The following C12orf50 variants were observed in gnomAD, a reference collection of about 807,000 sequenced individuals.
C12orf50 encodes uncharacterized protein C12orf50.
C12orf50 carries 35 observed loss-of-function variants against 61.6 expected under a neutral mutation model. The observed-to-expected ratio is 0.57, with a 90% CI of 0.43 to 0.75. The LOEUF (loss-of-function observed/expected upper bound fraction) is 0.75. Ranked by LOEUF, C12orf50 falls within the 30% of genes least tolerant of loss-of-function variation. The pLI is 0.00. For synonymous variants in C12orf50, 178 were observed against 161.5 expected (o/e 1.10, Z -0.77); for missense variants, 475 against 488.5 (o/e 0.97, Z 0.26).
chr12:88,025,318 G>A (rs1215060209), intron 3 of C12orf50, among the ~76,000 whole-genome samples: 1 of 152,122 alleles, frequency 6.6e-6, no homozygotes, highest in South Asian at 2.1e-4. Context: ...ATGCTACTAG[G>A]TGGGTGGATG....
At chr12:88,019,932 G>A (rs1212734353) in intron 3 of C12orf50, among the ~76,000 whole-genome samples, 3 of 152,082 alleles carry the variant, frequency 2.0e-5, no homozygotes, top group Non-Finnish European at 4.4e-5. Flanking sequence ...ATCACATCCA[G>A]GCAAACTAAA....
At position 87,997,246 on chromosome 12, in the gene C12orf50, A is replaced by T. The variant is rs529229535; in HGVS notation, c.290-600T>A. On this transcript the variant is annotated intron_variant, in intron 4 of 12. Transcript: ENST00000298699. ...TTATAGATTATTAACTACTACATAG[A>T]TCTCTATAACTTCCAGGATTAAATG... Among the ~76,000 whole-genome samples, 8 of 152,276 alleles carry T rather than the reference A, an allele frequency of 5.3e-5. No individual in the cohort carries two copies. In the South Asian group the frequency reaches 1.5e-3, roughly 28 times the overall value.
Position 87,980,283 on chromosome 12 carries a change from T to G in C12orf50, c.*48A>C. Reference sequence around the variant, plus strand: ...TTTTCATTTTTGATTGTAAATCAGATGATGTCTGGCAATTTTTTCTCATTT... The same window carrying G: ...TTTTCATTTTTGATTGTAAATCAGAGGATGTCTGGCAATTTTTTCTCATTT... On this transcript the variant is annotated 3_prime_UTR_variant, in exon 13 of 13. Coordinates refer to ENST00000298699, the MANE Select transcript of C12orf50 (RefSeq NM_152589.3). 6.4e-7 allele frequency: 1 copy of G among 1,564,884 alleles called. No homozygotes were observed.
At chr12:88,020,390 C>G (rs1166324106) in intron 3 of C12orf50, among the ~76,000 whole-genome samples, 2 of 152,070 alleles carry the variant, frequency 1.3e-5, no homozygotes. Flanking sequence ...TCAGGGGTTG[C>G]AATCCTAATT....
At chr12:88,019,110 C>T (rs1295021519) in intron 3 of C12orf50, among the ~76,000 whole-genome samples, 2 of 152,022 alleles carry the variant, frequency 1.3e-5, no homozygotes, top group Admixed American at 6.5e-5. Context: ...GGCTCTTTCC[C>T]CACCCAAATC....
At position 88,006,045 on chromosome 12, in the gene C12orf50, T is replaced by C. The variant is rs377473488; in HGVS notation, c.134-7855A>G. 2.0e-5 allele frequency among the ~76,000 whole-genome samples: 3 copies of C among 151,690 alleles called. No individual in the cohort carries two copies. The East Asian group carries it at 5.8e-4, about 30-fold the overall frequency. ...CATTCTCCTGCCTCAGCCTCCCTAG[T>C]AGTTGGGACTACAGGCGCCCGCCAC... On this transcript the variant is annotated intron_variant, in intron 3 of 12. Transcript: ENST00000298699.
intron 11 of C12orf50, 147 bp downstream of exon 11, chr12:87,985,703 G>C (rs117651597): frequency 2.6e-6 from 2 of 756,394 alleles, no homozygotes; most frequent in Non-Finnish European, 4.5e-6. Flanking sequence ...GCACATGGAA[G>C]AAATCCTCTC....
chr12:87,999,524 T>C (rs1289438344), intron 3 of C12orf50, among the ~76,000 whole-genome samples: 2 of 152,176 alleles, frequency 1.3e-5, no homozygotes, highest in African/African-American at 2.4e-5. Flanking sequence ...TAACAAGTGT[T>C]GTCAAGGATG....
chr12:87,986,475 T>A, intron 9 of C12orf50, 59 bp from the exon 10 acceptor site: 1 of 1,230,738 alleles, frequency 8.1e-7, no homozygotes. Context: ...CTGAAATTAC[T>A]GTAGGTGATA....
intron 3 of C12orf50, among the ~76,000 whole-genome samples, chr12:88,015,604 T>G (rs950601027): frequency 3.3e-5 from 5 of 152,184 alleles, no homozygotes; most frequent in African/African-American, 1.2e-4. Context: ...GTCTAAGAGA[T>G]TACACTAACT....
At chr12:88,007,561 T>G (rs2031932059) in intron 3 of C12orf50, among the ~76,000 whole-genome samples, 1 of 152,198 alleles carries the variant, frequency 6.6e-6, no homozygotes, top group African/African-American at 2.4e-5. Context: ...GGATAAATGC[T>G]GTGTCCTCAC....
rs145777862 is a variant in C12orf50, at chr12:87,996,404, G to C, written c.451C>G (p.Pro151Ala). The C allele has an allele frequency of 2.8e-4, 458 of 1,612,600 alleles. No individual in the cohort carries two copies. Among genetic ancestry groups the C allele is most frequent in the Non-Finnish European group, 3.6e-4 (419 of 1,179,084 alleles). The change falls in exon 6 of 13, where the codon CCT (proline) becomes GCT (alanine). Residue 151 changes from proline (P) to alanine (A), a missense_variant. Pro to Ala is a conservative substitution (Grantham distance 27, BLOSUM62 -1). Coordinates refer to ENST00000298699, the MANE Select transcript of C12orf50 (RefSeq NM_152589.3). ...TGCAATTCACTGCCATTTTCCAAAG[G>C]CTTTTCTAACTGTTTTTCTGCTGTA... ...TPTAEKQLEK[P>A]LENGSELQEG...
At position 87,983,875 on chromosome 12, in the gene C12orf50, G is replaced by C. The variant is rs2030659446; in HGVS notation, c.1127-680C>G. ...TACGTGTGCATGTGTCTTTATAACA[G>C]CATGATTTATAGTCCTTTGGTATAT... On this transcript the variant is annotated intron_variant, in intron 11 of 12. Coordinates refer to ENST00000298699, the MANE Select transcript of C12orf50 (RefSeq NM_152589.3). 1.9e-5 allele frequency: 2 copies of C among 105,998 alleles called. 1 individual carries two copies. The highest frequency in any genetic ancestry group is 4.9e-5 in the Non-Finnish European group (2 of 41,188). 6.6% of individuals were successfully genotyped at this position (105,998 alleles called of 1,614,324 possible). A position where few individuals can be genotyped will look rare whatever the true frequency, so the allele number is the denominator to read the frequency against.
At position 88,003,935 on chromosome 12, in the gene C12orf50, C is replaced by CT. The variant is rs202139246; in HGVS notation, c.134-5746dup. 5.8e-3 allele frequency among the ~76,000 whole-genome samples: 880 copies of CT among 151,806 alleles called. 6 individuals carry two copies. Among genetic ancestry groups the CT allele is most frequent in the Non-Finnish European group, 9.4e-3 (635 of 67,826 alleles). Reference sequence around the variant, plus strand: ...CATATTTCTCTTAGGCTTTGTTCATCTTTTTTTTCATTTATTTTTCTCTTG... The same window carrying CT: ...CATATTTCTCTTAGGCTTTGTTCATCTTTTTTTTTCATTTATTTTTCTCTTG... On this transcript the variant is annotated intron_variant, in intron 3 of 12. Coordinates refer to ENST00000298699, the MANE Select transcript of C12orf50 (RefSeq NM_152589.3).
chr12:88,027,185 G>A (rs2032740191), intron 1 of C12orf50, 115 bp from the exon 2 acceptor site: 4 of 1,066,718 alleles, frequency 3.7e-6, no homozygotes, highest in Non-Finnish European at 5.1e-6. Flanking sequence ...GAATCACAAA[G>A]ATATACACTA....
intron 3 of C12orf50, among the ~76,000 whole-genome samples, chr12:88,015,602 G>T (rs2032282878): frequency 6.6e-6 from 1 of 152,186 alleles, no homozygotes; most frequent in Non-Finnish European, 1.5e-5. Context: ...TTGTCTAAGA[G>T]ATTACACTAA....
At chr12:87,981,095 C>A (rs1489603736) in intron 12 of C12orf50, among the ~76,000 whole-genome samples, 1 of 152,182 alleles carries the variant, frequency 6.6e-6, no homozygotes, top group East Asian at 1.9e-4. Flanking sequence ...ATTATAAAAT[C>A]TAATTTCTTA....
At position 87,987,901 on chromosome 12, in the gene C12orf50, A is replaced by C. The variant is rs373131399; in HGVS notation, c.766T>G (p.Leu256Val). 1.2e-5 allele frequency: 19 copies of C among 1,611,990 alleles called. No individual in the cohort carries two copies. Among genetic ancestry groups the C allele is most frequent in the Non-Finnish European group, 1.4e-5 (17 of 1,178,774 alleles). The change falls in exon 9 of 13, where the codon TTA becomes GTA. Residue 256 changes from leucine to valine, a missense_variant. Leu to Val is a conservative substitution (Grantham distance 32). Coordinates refer to ENST00000298699, the MANE Select transcript of C12orf50 (RefSeq NM_152589.3). Reference protein sequence around the residue: ...TTRLVPTTHVLNATENISMKC... With the variant: ...TTRLVPTTHVVNATENISMKC... The stretch of plus-strand genomic sequence containing the variant: ...ATACTGATATTCTCAGTAGCATTTA[A>C]TACATGCGTTGTAGGTACTAGTCGG...
In C12orf50 at chr12:87,996,419, T is replaced by C. The variant is rs2031395405; in HGVS notation, c.436A>G (p.Lys146Glu). The C allele has an allele frequency of 2.5e-6, 4 of 1,613,374 alleles. No individual in the cohort carries two copies. Among genetic ancestry groups the C allele is most frequent in the Non-Finnish European group, 3.4e-6 (4 of 1,179,632 alleles). Residue 146 changes from lysine to glutamate, a missense_variant, in exon 6 of 13, where the codon AAA becomes GAA. Physicochemically the swap from Lys to Glu is moderately conservative, Grantham distance 56 (BLOSUM62 1). Coordinates refer to ENST00000298699, the MANE Select transcript of C12orf50 (RefSeq NM_152589.3). ...SSKSMTPTAE[K>E]QLEKPLENGS... is the part of the protein sequence containing the mutation. ...TTTTCCAAAGGCTTTTCTAACTGTT[T>C]TTCTGCTGTAGGTGTCATGCTTTTT... is the stretch of plus-strand genomic sequence containing the variant.
Sources: allele counts gnomAD v4.1 joint callset (sites outside exome capture counted in the v4.1 genomes callset), GRCh38; gene constraint gnomAD v4.1.1; transcripts MANE v1.5; gene names NCBI Gene and HGNC (gene_info 2026-07-23, HGNC 2026-07-21).